The following PTPRJ variants were observed in gnomAD, a reference collection of about 807,000 sequenced individuals.
PTPRJ encodes the protein protein tyrosine phosphatase receptor type J.
A neutral mutation model predicts 141.3 loss-of-function variants in PTPRJ; 129 were observed. That is an observed-to-expected ratio of 0.91 (90% confidence interval 0.79 to 1.06). The LOEUF (loss-of-function observed/expected upper bound fraction) is 1.06, where lower values mean the gene tolerates loss of function less well. Ranked by LOEUF, PTPRJ falls within the 50% of genes least tolerant of loss-of-function variation. The pLI is 0.00. For missense variants in PTPRJ, 1,601 were observed against 1,679.7 expected (o/e 0.95, Z 0.82); for synonymous variants, 610 against 640.5 (o/e 0.95, Z 0.72).
intron 1 of PTPRJ, among the ~76,000 whole-genome samples, chr11:48,100,443 G>C (rs1377179740): frequency 2.0e-5 from 3 of 152,150 alleles, no homozygotes; most frequent in Non-Finnish European, 4.4e-5. Flanking sequence ...GCTTCACGTA[G>C]ATTATATAAT....
At chr11:48,061,628 C>T (rs1590454394) in intron 1 of PTPRJ, among the ~76,000 whole-genome samples, 2 of 152,192 alleles carry the variant, frequency 1.3e-5, no homozygotes, top group South Asian at 2.1e-4. Flanking sequence ...GATCCTGGCA[C>T]CAGCATTTGC....
intron 1 of PTPRJ, among the ~76,000 whole-genome samples, chr11:47,998,712 C>T (rs1447418758): frequency 6.6e-6 from 1 of 152,234 alleles, no homozygotes; most frequent in Non-Finnish European, 1.5e-5. Flanking sequence ...GCACCAGCTG[C>T]TGTCATTATT....
chr11:48,053,930 CTTT>C (rs11290681), intron 1 of PTPRJ, among the ~76,000 whole-genome samples: 20 of 93,910 alleles, frequency 2.1e-4, no homozygotes, highest in Non-Finnish European at 2.8e-4. Flanking sequence ...GCACCTCGTT[CTTT>C]TTTTTTTTTT....
In PTPRJ at chr11:48,146,926, G is replaced by C. The variant is rs755866464; in HGVS notation, c.2962G>C (p.Val988Leu). The change falls in exon 15 of 25, where the codon GTG (valine) becomes CTG (leucine). Residue 988 changes from valine to leucine, a missense_variant. Val to Leu is a conservative substitution (Grantham distance 32). Transcript: ENST00000418331. ...CTGTATCTTTGGTGCCCTGGTTATT[G>C]TGACTGTGGGAGGCTTCATCTTCTG... ...FGCIFGALVI[V>L]TVGGFIFWRK... is the part of the protein sequence containing the mutation. The C allele has an allele frequency of 6.2e-7, 1 of 1,614,062 alleles. No homozygotes were observed. Among genetic ancestry groups the C allele is most frequent in the Non-Finnish European group, 8.5e-7 (1 of 1,179,978 alleles).
intron 1 of PTPRJ, among the ~76,000 whole-genome samples, chr11:48,010,812 A>G (rs189452134): frequency 2.6e-5 from 4 of 152,262 alleles, no homozygotes; most frequent in Admixed American, 2.0e-4. Flanking sequence ...CTGGAAATAT[A>G]GGTGTGAGCC....
intron 1 of PTPRJ, among the ~76,000 whole-genome samples, chr11:48,020,923 A>G (rs896343001): frequency 6.6e-6 from 1 of 152,192 alleles, no homozygotes. Flanking sequence ...GTGAAGAAAG[A>G]GATTCTCAGA....
In PTPRJ at chr11:48,077,207, T is replaced by C. The variant is rs190324992; in HGVS notation, c.97-32851T>C. 3.3e-5 allele frequency among the ~76,000 whole-genome samples: 5 copies of C among 152,266 alleles called. No homozygotes were observed. In the East Asian group the frequency reaches 9.6e-4, roughly 29 times the overall value. On this transcript the variant is annotated intron_variant, in intron 1 of 24. Coordinates refer to ENST00000418331, the MANE Select transcript of PTPRJ (RefSeq NM_002843.4). ...AAAAAAAAAAGGTTACTTTTACTGT[T>C]TTGTCCTAGTTACAAGATCTTAGGA...
At chr11:48,127,382 G>C (rs2134347444) in intron 6 of PTPRJ, among the ~76,000 whole-genome samples, 1 of 152,332 alleles carries the variant, frequency 6.6e-6, no homozygotes, top group East Asian at 1.9e-4. Flanking sequence ...ACCCAGGCCT[G>C]CCTCGTCCTG....
intron 1 of PTPRJ, among the ~76,000 whole-genome samples, chr11:48,032,346 C>A (rs952894993): frequency 6.6e-6 from 1 of 152,192 alleles, no homozygotes; most frequent in Admixed American, 6.5e-5. Flanking sequence ...GACAGCTGAG[C>A]GGCTACAGAG....
At chr11:48,025,871 G>A (rs376348680) in intron 1 of PTPRJ, among the ~76,000 whole-genome samples, 2 of 152,108 alleles carry the variant, frequency 1.3e-5, no homozygotes, top group Non-Finnish European at 2.9e-5. Flanking sequence ...TCAGACAGCC[G>A]GGTGTTCCCA....
At chr11:47,997,453 A>G (rs1046128115) in intron 1 of PTPRJ, among the ~76,000 whole-genome samples, 1 of 152,194 alleles carries the variant, frequency 6.6e-6, no homozygotes, top group East Asian at 1.9e-4. Context: ...CCAGGGCTCA[A>G]AAGAGGGTTC....
chr11:48,163,810 G>C (rs1857844998), intron 23 of PTPRJ, among the ~76,000 whole-genome samples, 192 bp downstream of exon 23: 1 of 152,142 alleles, frequency 6.6e-6, no homozygotes. Flanking sequence ...TGTAACCCAT[G>C]GATCAAATCT....
At chr11:48,081,923 T>C (rs1240381446) in intron 1 of PTPRJ, among the ~76,000 whole-genome samples, 1 of 152,140 alleles carries the variant, frequency 6.6e-6, no homozygotes, top group Non-Finnish European at 1.5e-5. Context: ...TCAGGGTAGA[T>C]GTGGTGAATA....
At chr11:48,085,934 G>A (rs1565295339) in intron 1 of PTPRJ, among the ~76,000 whole-genome samples, 1 of 152,106 alleles carries the variant, frequency 6.6e-6, no homozygotes, top group African/African-American at 2.4e-5. Context: ...TCCTTCGTTT[G>A]CTCATGTGTT....
chr11:48,131,070 ATTTTTTTTTTTT>A (rs71045547), intron 8 of PTPRJ, among the ~76,000 whole-genome samples: 2 of 46,570 alleles, frequency 4.3e-5, no homozygotes, highest in African/African-American at 6.8e-5. Flanking sequence ...ATATATATAT[ATTTTTTTTTTTT>A]TTTTTTTTTT....
At chr11:48,108,118 C>G (rs1362491768) in intron 1 of PTPRJ, among the ~76,000 whole-genome samples, 1 of 152,040 alleles carries the variant, frequency 6.6e-6, no homozygotes, top group Non-Finnish European at 1.5e-5. Flanking sequence ...CTTTGGAAAA[C>G]AATGCTGGGG....
intron 1 of PTPRJ, among the ~76,000 whole-genome samples, chr11:48,055,406 G>A (rs548377479): frequency 7.2e-5 from 11 of 152,236 alleles, no homozygotes; most frequent in Admixed American, 2.6e-4. Flanking sequence ...CAAATCTCCC[G>A]CCAGATCTCT....
intron 1 of PTPRJ, among the ~76,000 whole-genome samples, chr11:48,096,210 C>T (rs1477853426): frequency 2.6e-5 from 4 of 152,136 alleles, no homozygotes; most frequent in Non-Finnish European, 4.4e-5. Flanking sequence ...CAGTGTGACC[C>T]ACCGTGTGCT....
intron 1 of PTPRJ, among the ~76,000 whole-genome samples, chr11:48,077,490 C>T (rs2134280680): frequency 6.6e-6 from 1 of 152,282 alleles, no homozygotes; most frequent in South Asian, 2.1e-4. Flanking sequence ...AAATGGAATC[C>T]CTCCCAGTTT....
Sources: allele counts gnomAD v4.1 joint callset (sites outside exome capture counted in the v4.1 genomes callset), GRCh38; gene constraint gnomAD v4.1.1; transcripts MANE v1.5; gene names NCBI Gene and HGNC (gene_info 2026-07-23, HGNC 2026-07-21).